KCNJ16: variants seen among roughly 807,000 people sequenced by gnomAD.
KCNJ16 encodes inward rectifier potassium channel 16.
In KCNJ16, 15 loss-of-function variants were observed where a neutral mutation model predicts 18.5. The ratio of observed to expected loss-of-function variants is 0.81; its 90% CI spans 0.54 to 1.25. The LOEUF is 1.25. Ranked by LOEUF, KCNJ16 falls within the 50% of genes most tolerant of loss-of-function variation. The pLI, the probability that KCNJ16 is intolerant of heterozygous loss-of-function variation, is 0.00. For missense variants in KCNJ16, 523 were observed against 525.7 expected (o/e 0.99, Z 0.05); for synonymous variants, 174 against 186.5 (o/e 0.93, Z 0.55).
At chr17:70,130,827 C>A in intron 2 of KCNJ16, 52 bp from the exon 3 acceptor site, 1 of 771,832 alleles carries the variant, frequency 1.3e-6, no homozygotes, top group Non-Finnish European at 2.2e-6. Context: ...CTAATAGTTA[C>A]TAAGCTGTTA....
chr17:70,128,342 C>G (rs1254693746), intron 2 of KCNJ16, among the ~76,000 whole-genome samples: 1 of 152,170 alleles, frequency 6.6e-6, no homozygotes, highest in Non-Finnish European at 1.5e-5. Context: ...GTTTCTGTAT[C>G]TGAGCTTAAG....
intron 2 of KCNJ16, among the ~76,000 whole-genome samples, chr17:70,123,603 T>C (rs1325223924): frequency 2.0e-5 from 3 of 152,208 alleles, no homozygotes; most frequent in Non-Finnish European, 4.4e-5. Context: ...TTTTATGTCA[T>C]TTATTCCTCA....
At chr17:70,103,147 A>AAT (rs35045922) in intron 2 of KCNJ16, among the ~76,000 whole-genome samples, 5 of 145,000 alleles carry the variant, frequency 3.4e-5, no homozygotes, top group East Asian at 2.0e-4. Context: ...ATGTGTATAT[A>AAT]ATATATATAA....
intron 1 of KCNJ16, among the ~76,000 whole-genome samples, chr17:70,086,672 C>T (rs2071811130): frequency 6.6e-6 from 1 of 152,088 alleles, no homozygotes; most frequent in African/African-American, 2.4e-5. Flanking sequence ...TTGAGGATGA[C>T]TGGGCTTCTG....
chr17:70,085,369 G>C (rs2071747667), intron 1 of KCNJ16, among the ~76,000 whole-genome samples: 1 of 152,172 alleles, frequency 6.6e-6, no homozygotes, highest in Non-Finnish European at 1.5e-5. Context: ...TAAGGAAACA[G>C]AGGCACTGAA....
intron 1 of KCNJ16, among the ~76,000 whole-genome samples, chr17:70,077,081 C>A (rs779875819): frequency 6.6e-6 from 1 of 152,178 alleles, no homozygotes; most frequent in Non-Finnish European, 1.5e-5. Context: ...GCAGTTCAGG[C>A]AGATGGAACA....
At position 70,095,976 on chromosome 17, in the gene KCNJ16, G is replaced by T. The variant is rs533473923; in HGVS notation, c.-299-4682G>T. Reference sequence around the variant, plus strand: ...CGGCTCACTGCAAGCTCCGCCTCCCGGGTTCACACCATTCTCCTGCCTCAG... The same window carrying T: ...CGGCTCACTGCAAGCTCCGCCTCCCTGGTTCACACCATTCTCCTGCCTCAG... On this transcript the variant is annotated intron_variant, in intron 1 of 3. Coordinates refer to ENST00000392671, the MANE Select transcript of KCNJ16 (RefSeq NM_170741.4). Among the ~76,000 whole-genome samples the T allele has an allele frequency of 2.0e-5, 3 of 146,998 alleles. No individual in the cohort carries two copies. In the Admixed American group the frequency reaches 2.1e-4, roughly 10 times the overall value.
intron 1 of KCNJ16, among the ~76,000 whole-genome samples, chr17:70,089,648 C>A (rs1374188020): frequency 1.3e-5 from 2 of 152,190 alleles, no homozygotes; most frequent in African/African-American, 2.4e-5. Flanking sequence ...ATTAAATAAT[C>A]TTAACTTGCT....
Position 70,130,956 on chromosome 17 carries a change from T to C in KCNJ16, c.-113T>C, listed in dbSNP as rs1239239660. On this transcript the variant is annotated 5_prime_UTR_variant, in exon 3 of 4. Coordinates refer to ENST00000392671, the MANE Select transcript of KCNJ16 (RefSeq NM_170741.4). The stretch of plus-strand genomic sequence containing the variant: ...AGCTGGGAAATCCTTTGGCCTATTA[T>C]ACCATGGATGCTAAAAATGGTAAGA... The C allele has an allele frequency of 2.0e-6, 3 of 1,535,192 alleles. No homozygotes were observed. Among genetic ancestry groups the C allele is most frequent in the Non-Finnish European group, 2.6e-6 (3 of 1,146,196 alleles).
rs559048656 is a variant in KCNJ16, at chr17:70,081,747, G to A, written c.-300+6357G>A. 1.2e-3 allele frequency among the ~76,000 whole-genome samples: 181 copies of A among 152,150 alleles called. 1 individual carries two copies. The Middle Eastern group carries it at 0.014, about 11-fold the overall frequency. Reference sequence around the variant, plus strand: ...TATAGAGCGAGCAGAGTTAAGAGGTGAGAAGGAGAAGTCCAAAATTGTGTC... The same window carrying A: ...TATAGAGCGAGCAGAGTTAAGAGGTAAGAAGGAGAAGTCCAAAATTGTGTC... On this transcript the variant is annotated intron_variant, in intron 1 of 3. Coordinates refer to ENST00000392671, the MANE Select transcript of KCNJ16 (RefSeq NM_170741.4).
In KCNJ16 at chr17:70,132,573, C is replaced by A. The variant is rs769378001; in HGVS notation, c.486C>A (p.Thr162=). 1 of 1,614,178 alleles carries A rather than the reference C, an allele frequency of 6.2e-7. No individual in the cohort carries two copies. The highest frequency in any genetic ancestry group is 2.2e-5 in the East Asian group (1 of 44,882). The part of the protein sequence containing the change: ...LQSILSCIIN[T]FIIGAALAKM... ...CCATCTTAAGTTGCATCATAAATAC[C>A]TTTATCATTGGAGCTGCCTTGGCCA... The change falls in exon 4 of 4, where the codon ACC becomes ACA. Residue 162 remains threonine, a synonymous_variant. Transcript: ENST00000392671.
intron 2 of KCNJ16, among the ~76,000 whole-genome samples, chr17:70,109,868 C>T (rs2073106108): frequency 6.6e-6 from 1 of 152,180 alleles, no homozygotes; most frequent in African/African-American, 2.4e-5. Context: ...CAGCTCCCAG[C>T]CCCACAATCT....
chr17:70,081,288 T>A (rs2071542946), intron 1 of KCNJ16, among the ~76,000 whole-genome samples: 1 of 152,166 alleles, frequency 6.6e-6, no homozygotes, highest in Non-Finnish European at 1.5e-5. Flanking sequence ...TAAGACATGA[T>A]TTACACACAT....
At chr17:70,109,449 CTTTT>C (rs1044784055) in intron 2 of KCNJ16, among the ~76,000 whole-genome samples, 62 of 151,940 alleles carry the variant, frequency 4.1e-4, no homozygotes, top group Middle Eastern at 6.3e-3. Flanking sequence ...GGATCTGTTA[CTTTT>C]TTTTGCCATA....
chr17:70,084,882 T>C (rs1452470749), intron 1 of KCNJ16, among the ~76,000 whole-genome samples: 1 of 152,200 alleles, frequency 6.6e-6, no homozygotes, highest in Non-Finnish European at 1.5e-5. Flanking sequence ...ACCTCTATTG[T>C]GAAAACTACT....
chr17:70,117,802 T>C (rs1042496344), intron 2 of KCNJ16, among the ~76,000 whole-genome samples: 4 of 152,232 alleles, frequency 2.6e-5, no homozygotes, highest in African/African-American at 4.8e-5. Context: ...AAGACAAGCA[T>C]GGCCCTCGTG....
At chr17:70,092,923 G>A (rs538453190) in intron 1 of KCNJ16, among the ~76,000 whole-genome samples, 1 of 152,192 alleles carries the variant, frequency 6.6e-6, no homozygotes, top group African/African-American at 2.4e-5. Flanking sequence ...ATTAGCGAGG[G>A]CATTCTTTAC....
chr17:70,101,160 T>C (rs1238492239), intron 2 of KCNJ16: 1 of 152,232 alleles, frequency 6.6e-6, no homozygotes, highest in African/African-American at 2.4e-5. Context: ...CAATGTCTGG[T>C]CACATTTTTG....
At chr17:70,081,750 AAGG>A (rs1285898032) in intron 1 of KCNJ16, among the ~76,000 whole-genome samples, 5 of 152,018 alleles carry the variant, frequency 3.3e-5, no homozygotes, top group African/African-American at 1.2e-4. Context: ...AAGAGGTGAG[AAGG>A]AGAAGTCCAA....
Sources: gnomAD v4.1 joint callset for allele counts (sites outside exome capture counted in the v4.1 genomes callset) on GRCh38, gnomAD v4.1.1 for gene constraint, MANE v1.5 for transcripts, NCBI Gene and HGNC (gene_info 2026-07-23, HGNC 2026-07-21) for gene names.